KCNT2: variants seen among roughly 807,000 people sequenced by gnomAD.
KCNT2 encodes the protein potassium sodium-activated channel subfamily T member 2, also known as potassium channel subfamily T member 2.
Under a neutral mutation model 153.8 loss-of-function variants are expected in KCNT2, and 67 were observed. That is an observed-to-expected ratio of 0.44 (90% confidence interval 0.36 to 0.53). The LOEUF (loss-of-function observed/expected upper bound fraction) is 0.53. Among genes scored for constraint, KCNT2 ranks in the 20% least tolerant of loss-of-function variants. The pLI is 0.00. For synonymous variants in KCNT2, 500 were observed against 458.8 expected, an observed-to-expected ratio of 1.09 and a Z score of -1.15; for missense variants, 975 against 1,354.8, an observed-to-expected ratio of 0.72 and a Z score of 4.40.
intron 1 of KCNT2, among the ~76,000 whole-genome samples, chr1:196,518,186 GA>G (rs1300258515): frequency 1.3e-5 from 2 of 152,102 alleles, no homozygotes; most frequent in Non-Finnish European, 2.9e-5. Context: ...CAGAAAAGAA[GA>G]AATATGATCC....
In KCNT2 at chr1:196,266,565, A is replaced by G. The variant is rs554525951; in HGVS notation, c.2911-8071T>C. Among the ~76,000 whole-genome samples, 114 of 152,310 alleles carry G rather than the reference A, an allele frequency of 7.5e-4. 1 individual carries two copies. The South Asian group carries it at 8.9e-3, about 12-fold the overall frequency. On this transcript the variant is annotated intron_variant, in intron 25 of 27. Coordinates refer to ENST00000294725, the MANE Select transcript of KCNT2 (RefSeq NM_198503.5). ...TTTGACATGTACAAGTAGTTTGACAATATAGAATCACATGCATTTTCTGTC... is the reference window on the plus strand; with the variant it reads ...TTTGACATGTACAAGTAGTTTGACAGTATAGAATCACATGCATTTTCTGTC...
At chr1:196,488,141 C>T (rs372576605) in intron 3 of KCNT2, among the ~76,000 whole-genome samples, 19 of 151,824 alleles carry the variant, frequency 1.3e-4, no homozygotes, top group African/African-American at 3.9e-4. Context: ...ATAATGTTTT[C>T]GTATCAGTTT....
intron 8 of KCNT2, among the ~76,000 whole-genome samples, chr1:196,442,039 G>A (rs1675278834): frequency 6.6e-6 from 1 of 151,782 alleles, no homozygotes; most frequent in Non-Finnish European, 1.5e-5. Context: ...GCATAGTACA[G>A]TCAATAATCA....
At chr1:196,313,042 C>A (rs1025047875) in intron 21 of KCNT2, among the ~76,000 whole-genome samples, 1 of 151,546 alleles carries the variant, frequency 6.6e-6, no homozygotes, top group African/African-American at 2.4e-5. Flanking sequence ...GAGTTGAGAT[C>A]AGTGTCAGTG....
chr1:196,392,985 C>T lies in KCNT2; in HGVS notation c.1294+5578G>A, dbSNP rs187419949. Among the ~76,000 whole-genome samples, 24 of 151,270 alleles carry T rather than the reference C, an allele frequency of 1.6e-4. 1 individual carries two copies. The highest frequency in any genetic ancestry group is 7.4e-5 in the Non-Finnish European group (5 of 67,564). ...CATTCTTCTAGGCAGGTTTGAATTGCGAAGTACAAAGTATTTCATTCAGTC... is the reference window on the plus strand; with the variant it reads ...CATTCTTCTAGGCAGGTTTGAATTGTGAAGTACAAAGTATTTCATTCAGTC... On this transcript the variant is annotated intron_variant, in intron 13 of 27. Coordinates refer to ENST00000294725, the MANE Select transcript of KCNT2 (RefSeq NM_198503.5).
chr1:196,571,358 G>A (rs140884614), intron 1 of KCNT2, among the ~76,000 whole-genome samples: 123 of 152,174 alleles, frequency 8.1e-4, no homozygotes, highest in Non-Finnish European at 1.2e-3. Context: ...AAAGGAGAAA[G>A]AATGAGAGAG....
chr1:196,286,661 A>C (rs1265088500), intron 22 of KCNT2, among the ~76,000 whole-genome samples: 1 of 151,462 alleles, frequency 6.6e-6, no homozygotes, highest in Non-Finnish European at 1.5e-5. Flanking sequence ...ACACACACAC[A>C]CACGTTGTTT....
chr1:196,543,893 T>C (rs1031347296), intron 1 of KCNT2, among the ~76,000 whole-genome samples: 1 of 152,174 alleles, frequency 6.6e-6, no homozygotes, highest in Admixed American at 6.6e-5. Context: ...TACTCAGGCA[T>C]TTATGCCACA....
chr1:196,426,104 TGCTA>T, intron 10 of KCNT2, 116 bp from the exon 11 acceptor site: 1 of 770,818 alleles, frequency 1.3e-6, no homozygotes, highest in Non-Finnish European at 2.0e-6. Context: ...AATGAACTTT[TGCTA>T]ATAAAATTTC....
chr1:196,256,543 G>T (rs1656515720), intron 26 of KCNT2, among the ~76,000 whole-genome samples: 1 of 151,026 alleles, frequency 6.6e-6, no homozygotes, highest in Non-Finnish European at 1.5e-5. Context: ...TAGCAATTTA[G>T]TGACTTAAAT....
At chr1:196,419,487 T>C (rs1295726551) in intron 12 of KCNT2, among the ~76,000 whole-genome samples, 1 of 151,566 alleles carries the variant, frequency 6.6e-6, no homozygotes, top group South Asian at 2.1e-4. Flanking sequence ...TCCAGCTGCA[T>C]CCATGTCCCT....
chr1:196,462,449 T>C (rs1677231030), intron 8 of KCNT2, among the ~76,000 whole-genome samples: 1 of 151,754 alleles, frequency 6.6e-6, no homozygotes, highest in South Asian at 2.1e-4. Flanking sequence ...AGATGTTTTC[T>C]TATATTTTCT....
At chr1:196,270,508 A>G (rs1657965245) in intron 25 of KCNT2, among the ~76,000 whole-genome samples, 1 of 152,032 alleles carries the variant, frequency 6.6e-6, no homozygotes. Flanking sequence ...ATCATGTTAG[A>G]CTCTATAATT....
At chr1:196,247,422 A>G (rs1466110754) in intron 26 of KCNT2, among the ~76,000 whole-genome samples, 5 of 152,168 alleles carry the variant, frequency 3.3e-5, no homozygotes, top group Non-Finnish European at 4.4e-5. Context: ...CTTGCTATAG[A>G]CCAAATATCT....
At chr1:196,418,879 A>G (rs1323908962) in intron 12 of KCNT2, among the ~76,000 whole-genome samples, 2 of 152,132 alleles carry the variant, frequency 1.3e-5, no homozygotes, top group Non-Finnish European at 2.9e-5. Flanking sequence ...GCTCTTCTCA[A>G]TACACTCAAC....
At chr1:196,236,689 CA>C (rs1654472547) in intron 26 of KCNT2, among the ~76,000 whole-genome samples, 1 of 151,340 alleles carries the variant, frequency 6.6e-6, no homozygotes, top group African/African-American at 2.4e-5. Context: ...TTTCCTAAAG[CA>C]ATATATATAT....
intron 1 of KCNT2, among the ~76,000 whole-genome samples, chr1:196,578,353 C>T (rs1352670397): frequency 6.6e-6 from 1 of 152,108 alleles, no homozygotes; most frequent in African/African-American, 2.4e-5. Flanking sequence ...ACTCAGGGAA[C>T]TGGGAGCCTT....
At chr1:196,537,490 A>G (rs1655743636) in intron 1 of KCNT2, among the ~76,000 whole-genome samples, 1 of 152,062 alleles carries the variant, frequency 6.6e-6, no homozygotes, top group African/African-American at 2.4e-5. Flanking sequence ...CAGTGCCAGC[A>G]CTCGTGGTAT....
At chr1:196,595,294 A>C (rs1663914781) in intron 1 of KCNT2, among the ~76,000 whole-genome samples, 1 of 152,130 alleles carries the variant, frequency 6.6e-6, no homozygotes, top group Non-Finnish European at 1.5e-5. Flanking sequence ...ATATTAATTC[A>C]CTATAATTGA....
Sources: allele counts gnomAD v4.1 joint callset (sites outside exome capture counted in the v4.1 genomes callset), GRCh38; gene constraint gnomAD v4.1.1; transcripts MANE v1.5; gene names NCBI Gene and HGNC (gene_info 2026-07-23, HGNC 2026-07-21).